NSMCE2: variants seen among roughly 807,000 people sequenced by gnomAD.
NSMCE2 encodes E3 SUMO-protein ligase NSE2.
In NSMCE2, 24 loss-of-function variants were observed where a neutral mutation model predicts 23.8. The ratio of observed to expected loss-of-function variants is 1.01; its 90% CI spans 0.73 to 1.42. NSMCE2 has a LOEUF of 1.42. NSMCE2 is among the 40% of genes most tolerant of loss of function. NSMCE2 has a pLI of 0.00. For synonymous variants in NSMCE2, 92 were observed against 94.1 expected, an observed-to-expected ratio of 0.98 and a Z score of 0.13; for missense variants, 284 against 296.5, an observed-to-expected ratio of 0.96 and a Z score of 0.31.
chr8:125,110,644 T>C (rs1193841375), intron 3 of NSMCE2, among the ~76,000 whole-genome samples: 1 of 152,188 alleles, frequency 6.6e-6, no homozygotes, highest in Non-Finnish European at 1.5e-5. Flanking sequence ...GCAGTCTGAC[T>C]TCATAGTTTC....
At chr8:125,347,039 T>C (rs1375879670) in intron 5 of NSMCE2, among the ~76,000 whole-genome samples, 2 of 152,116 alleles carry the variant, frequency 1.3e-5, no homozygotes, top group South Asian at 2.1e-4. Flanking sequence ...CAGAAAAAAA[T>C]TGAAGATGTT....
chr8:125,249,170 CAAAAA>C (rs757506151), intron 5 of NSMCE2, among the ~76,000 whole-genome samples: 2 of 112,844 alleles, frequency 1.8e-5, no homozygotes, highest in Admixed American at 1.9e-4. Context: ...GACTCTGTCT[CAAAAA>C]AAAAAAAAAA....
In NSMCE2 at chr8:125,121,192, C is replaced by T. The variant is rs150546662; in HGVS notation, c.157+18705C>T. ...ATACATGGTGAGAAGTTATAGGTAG[C>T]GTGCTCAGTAGATGAAGAAGGGAAA... On this transcript the variant is annotated intron_variant, in intron 3 of 7. Coordinates refer to ENST00000287437, the MANE Select transcript of NSMCE2 (RefSeq NM_173685.4). Among the ~76,000 whole-genome samples the T allele has an allele frequency of 6.6e-3, 1,004 of 152,202 alleles. 8 individuals are homozygous for T. The highest frequency in any genetic ancestry group is 0.023 in the African/African-American group (969 of 41,532).
At chr8:125,283,106 T>A (rs182754443) in intron 5 of NSMCE2, among the ~76,000 whole-genome samples, 1 of 152,222 alleles carries the variant, frequency 6.6e-6, no homozygotes, top group Non-Finnish European at 1.5e-5. Flanking sequence ...AGTAATAATA[T>A]CTACATCATA....
At chr8:125,230,866 A>C (rs538092098) in intron 5 of NSMCE2, among the ~76,000 whole-genome samples, 112 of 152,344 alleles carry the variant, frequency 7.4e-4, no homozygotes, top group African/African-American at 2.5e-3. Flanking sequence ...GGGCAGCAGC[A>C]TGAGATACTA....
chr8:125,093,361 C>T (rs1361867953), intron 1 of NSMCE2, among the ~76,000 whole-genome samples: 3 of 152,112 alleles, frequency 2.0e-5, no homozygotes, highest in African/African-American at 4.8e-5. Context: ...AACATTCAGA[C>T]TTTAGCATAT....
At chr8:125,335,394 G>A (rs975136996) in intron 5 of NSMCE2, among the ~76,000 whole-genome samples, 1 of 152,144 alleles carries the variant, frequency 6.6e-6, no homozygotes, top group African/African-American at 2.4e-5. Flanking sequence ...ATGACAAAAC[G>A]CACTCAAGGT....
intron 5 of NSMCE2, among the ~76,000 whole-genome samples, chr8:125,297,446 A>G (rs1367468686): frequency 6.6e-6 from 1 of 152,188 alleles, no homozygotes; most frequent in Non-Finnish European, 1.5e-5. Flanking sequence ...AAATGGGGGA[A>G]ATGGTTTCCT....
At position 125,225,897 on chromosome 8, in the gene NSMCE2, G is replaced by A. The variant is rs1039272678; in HGVS notation, c.418+43641G>A. On this transcript the variant is annotated intron_variant, in intron 5 of 7. Transcript: ENST00000287437. The stretch of plus-strand genomic sequence containing the variant: ...ACACATTTCCAGATACAATATTATC[G>A]TTCTCTTCTTTTTCAAGTAATAATT... Among the ~76,000 whole-genome samples, 13 of 152,088 alleles carry A rather than the reference G, an allele frequency of 8.5e-5. No homozygotes were observed. The South Asian group carries it at 1.2e-3, about 15-fold the overall frequency.
intron 4 of NSMCE2, among the ~76,000 whole-genome samples, chr8:125,178,316 G>C (rs1007053874): frequency 6.6e-6 from 1 of 152,152 alleles, no homozygotes; most frequent in Admixed American, 6.5e-5. Context: ...TTAGCACACA[G>C]AGAGCACTCA....
intron 5 of NSMCE2, among the ~76,000 whole-genome samples, chr8:125,268,278 G>C (rs1021179387): frequency 6.6e-6 from 1 of 151,978 alleles, no homozygotes; most frequent in African/African-American, 2.4e-5. Flanking sequence ...TCAACATTTG[G>C]TTAGTGAAAT....
intron 5 of NSMCE2, among the ~76,000 whole-genome samples, chr8:125,196,884 G>T (rs1261245026): frequency 1.3e-5 from 2 of 152,098 alleles, no homozygotes; most frequent in African/African-American, 4.8e-5. Context: ...ACTTTTTAAT[G>T]ATCGCCATTC....
intron 5 of NSMCE2, among the ~76,000 whole-genome samples, chr8:125,273,414 T>TG (rs1827313798): frequency 1.3e-5 from 2 of 152,222 alleles, no homozygotes; most frequent in Non-Finnish European, 2.9e-5. Flanking sequence ...GCGGTAACTA[T>TG]GGTAACAGTT....
intron 7 of NSMCE2, among the ~76,000 whole-genome samples, chr8:125,364,882 C>T (rs1194904698): frequency 6.6e-6 from 1 of 152,148 alleles, no homozygotes; most frequent in Admixed American, 6.5e-5. Flanking sequence ...TCATAACTAG[C>T]AAGTAGGTGG....
chr8:125,282,238 C>G (rs1827724758), intron 5 of NSMCE2, among the ~76,000 whole-genome samples: 1 of 152,032 alleles, frequency 6.6e-6, no homozygotes. Context: ...CTCAACCTCC[C>G]AAGTAGCTGG....
chr8:125,218,844 G>A (rs192374304), intron 5 of NSMCE2, among the ~76,000 whole-genome samples: 98 of 152,142 alleles, frequency 6.4e-4, no homozygotes, highest in African/African-American at 2.4e-3. Flanking sequence ...AATGGTTAAG[G>A]TGTTAAATTT....
intron 1 of NSMCE2, among the ~76,000 whole-genome samples, chr8:125,096,754 G>T (rs1224556990): frequency 6.6e-6 from 1 of 150,604 alleles, no homozygotes; most frequent in Non-Finnish European, 1.5e-5. Context: ...GGGACTGCAG[G>T]TGTGTACCAC....
At chr8:125,329,335 G>A (rs1001437726) in intron 5 of NSMCE2, among the ~76,000 whole-genome samples, 8 of 152,222 alleles carry the variant, frequency 5.3e-5, no homozygotes, top group Non-Finnish European at 7.3e-5. Flanking sequence ...CACTACAGGA[G>A]CTTTTTGGCT....
At chr8:125,320,233 A>AGGGAAGGGAGGGAGGGAGGGAGGGAGGG (rs1280474045) in intron 5 of NSMCE2, among the ~76,000 whole-genome samples, 1 of 20,418 alleles carries the variant, frequency 4.9e-5, no homozygotes, top group African/African-American at 1.2e-4. Flanking sequence ...GGAGGGAGGG[A>AGGGAAGGGAGGGAGGGAGGGAGGGAGGG]AGGGAGGGAG....
Sources: allele counts gnomAD v4.1 joint callset (sites outside exome capture counted in the v4.1 genomes callset), GRCh38; gene constraint gnomAD v4.1.1; transcripts MANE v1.5; gene names NCBI Gene and HGNC (gene_info 2026-07-23, HGNC 2026-07-21).